Variants in VPS37A observed in about 807,000 individuals in gnomAD.
VPS37A encodes vacuolar protein sorting-associated protein 37A.
In VPS37A, 30 loss-of-function variants were observed where a neutral mutation model predicts 49.8. The ratio of observed to expected loss-of-function variants is 0.60; its 90% CI spans 0.45 to 0.82. The LOEUF is 0.82. Among genes scored for constraint, VPS37A ranks in the 40% least tolerant of loss-of-function variants. The pLI is 0.00. For missense variants in VPS37A, 593 were observed against 464.4 expected, an observed-to-expected ratio of 1.28 and a Z score of -2.55; for synonymous variants, 195 against 160.6, an observed-to-expected ratio of 1.21 and a Z score of -1.62.
chr8:17,314,050 A>G, the VPS37A span, among the ~76,000 whole-genome samples: 1 of 152,206 alleles, frequency 6.6e-6, no homozygotes. Context: ...AGTGGTATCT[A>G]TATTTACACA....
intron 1 of VPS37A, among the ~76,000 whole-genome samples, chr8:17,249,809 A>G (rs1811806376): frequency 6.6e-6 from 1 of 152,248 alleles, no homozygotes. Flanking sequence ...TTATTTAATC[A>G]AAGTTTTACA....
chr8:17,283,514 G>C (rs190957314), intron 9 of VPS37A, among the ~76,000 whole-genome samples: 5 of 152,254 alleles, frequency 3.3e-5, no homozygotes, highest in Admixed American at 3.3e-4. Flanking sequence ...GATCCATTTG[G>C]AATCAATTTT....
chr8:17,300,815 A>G (rs1478111187), downstream of VPS37A, among the ~76,000 whole-genome samples: 5 of 152,172 alleles, frequency 3.3e-5, no homozygotes, highest in Non-Finnish European at 7.3e-5. Context: ...ATCAACTTCT[A>G]TCTCTATGGA....
chr8:17,324,269 A>C, the VPS37A span, among the ~76,000 whole-genome samples: 1 of 152,210 alleles, frequency 6.6e-6, no homozygotes, highest in Non-Finnish European at 1.5e-5. Flanking sequence ...TGAATAGATG[A>C]GCGTCTGCGA....
intron 11 of VPS37A, among the ~76,000 whole-genome samples, chr8:17,289,913 C>T: frequency 6.6e-6 from 1 of 152,086 alleles, no homozygotes; most frequent in Non-Finnish European, 1.5e-5. Context: ...TGAAGAGGTC[C>T]TTCATATCCC....
chr8:17,317,241 T>C, the VPS37A span, among the ~76,000 whole-genome samples: 1 of 152,210 alleles, frequency 6.6e-6, no homozygotes, highest in African/African-American at 2.4e-5. Flanking sequence ...GGATGCTGGC[T>C]GGCAGTGCCG....
At chr8:17,303,754 C>T (rs558815573), downstream of VPS37A, among the ~76,000 whole-genome samples, 13 of 152,146 alleles carry the variant, frequency 8.5e-5, no homozygotes, top group East Asian at 5.8e-4. Context: ...GGATTACAGG[C>T]GCTCACCACC....
chr8:17,275,028 T>G, intron 5 of VPS37A, 70 bp downstream of exon 5: 1 of 1,345,928 alleles, frequency 7.4e-7, no homozygotes, highest in East Asian at 2.3e-5. Flanking sequence ...CTTTATTACA[T>G]GCCTCTGTGT....
At chr8:17,298,378 T>C (rs1173983355), downstream of VPS37A, 6 of 152,076 alleles carry the variant, frequency 3.9e-5, no homozygotes, top group Admixed American at 3.9e-4. Flanking sequence ...TACTTTTAAA[T>C]CACAGTTCTC....
In VPS37A at chr8:17,252,225, T is replaced by G. The variant is rs1009172723; in HGVS notation, c.125+4856T>G. 3.3e-5 allele frequency among the ~76,000 whole-genome samples: 5 copies of G among 152,338 alleles called. No homozygotes were observed. In the East Asian group the frequency reaches 7.7e-4, roughly 24 times the overall value. On this transcript the variant is annotated intron_variant, in intron 1 of 11. Transcript: ENST00000324849. ...TCTCACTCTGTTACCCAGGCTAGAG[T>G]GCAGTGGCACGATCACAGCTTACCG...
intron 4 of VPS37A, chr8:17,271,939 T>C: frequency 2.2e-6 from 1 of 452,670 alleles, no homozygotes; most frequent in Non-Finnish European, 4.4e-6. Flanking sequence ...GGAAATCTCA[T>C]CTTTCATATT....
chr8:17,303,994 A>T (rs1208299006), downstream of VPS37A, among the ~76,000 whole-genome samples: 1 of 152,202 alleles, frequency 6.6e-6, no homozygotes, highest in East Asian at 1.9e-4. Flanking sequence ...TTTGTTGTAT[A>T]ACGGCAAAAA....
At chr8:17,323,564 A>G in the VPS37A span, among the ~76,000 whole-genome samples, 1 of 152,174 alleles carries the variant, frequency 6.6e-6, no homozygotes, top group South Asian at 2.1e-4. Context: ...ACTAGAGAGG[A>G]GGCCAGGAAT....
the VPS37A span, among the ~76,000 whole-genome samples, chr8:17,328,043 G>A: frequency 3.3e-5 from 5 of 152,306 alleles, no homozygotes; most frequent in South Asian, 1.0e-3. Flanking sequence ...TAAGTGGTCA[G>A]TGAAACAATG....
the VPS37A span, among the ~76,000 whole-genome samples, chr8:17,316,069 T>A: frequency 6.6e-6 from 1 of 152,178 alleles, no homozygotes; most frequent in Admixed American, 6.5e-5. Flanking sequence ...CCTGCTTCTT[T>A]CCTATGAAGA....
chr8:17,307,299 T>C (rs528023465), downstream of VPS37A, among the ~76,000 whole-genome samples: 1 of 152,324 alleles, frequency 6.6e-6, no homozygotes, highest in East Asian at 1.9e-4. Context: ...TCATCATCAC[T>C]GGCCATCAGA....
rs1159902450 is a variant in VPS37A, at chr8:17,289,131, G to A, written c.*2704G>A. On this transcript the variant is annotated intron_variant, in intron 11 of 11. Transcript: ENST00000324849. ...CCCTTTGTCAGATGGATAGATTCCAGAAATTTTCCCCATTCTGTAGGTGGC... is the reference window on the plus strand; with the variant it reads ...CCCTTTGTCAGATGGATAGATTCCAAAAATTTTCCCCATTCTGTAGGTGGC... Among the ~76,000 whole-genome samples, 9 of 152,144 alleles carry A rather than the reference G, an allele frequency of 5.9e-5. No homozygotes were observed. In the East Asian group the frequency reaches 1.7e-3, roughly 29 times the overall value.
the VPS37A span, among the ~76,000 whole-genome samples, chr8:17,329,481 A>T: frequency 3.3e-5 from 5 of 152,190 alleles, no homozygotes; most frequent in Non-Finnish European, 2.9e-5. Flanking sequence ...GTGTCAGACC[A>T]CAGGCATAAG....
chr8:17,248,535 C>A (rs941688298), intron 1 of VPS37A: 1 of 347,738 alleles, frequency 2.9e-6, no homozygotes, highest in African/African-American at 2.2e-5. Context: ...TTCGGCCTCC[C>A]AAAGTGCTGG....
Sources: allele counts gnomAD v4.1 joint callset (sites outside exome capture counted in the v4.1 genomes callset), GRCh38; gene constraint gnomAD v4.1.1; transcripts MANE v1.5; gene names NCBI Gene and HGNC (gene_info 2026-07-23, HGNC 2026-07-21).